Variants in ERC2 observed in about 807,000 individuals in gnomAD.
The protein encoded by ERC2 is ELKS/RAB6-interacting/CAST family member 2, also known as ERC protein 2.
ERC2 carries 42 observed loss-of-function variants against 114.8 expected under a neutral mutation model. The observed-to-expected ratio is 0.37, with a 90% CI of 0.29 to 0.47. ERC2 has a LOEUF of 0.47. ERC2 is among the 20% of genes least tolerant of loss of function. The pLI, the probability that ERC2 is intolerant of heterozygous loss-of-function variation, is 0.99. For missense variants in ERC2, 939 were observed against 1,150.7 expected, an observed-to-expected ratio of 0.82 and a Z score of 2.66; for synonymous variants, 454 against 425.5, an observed-to-expected ratio of 1.07 and a Z score of -0.82.
chr3:56,017,454 G>A (rs969524871), intron 8 of ERC2, among the ~76,000 whole-genome samples: 13 of 152,072 alleles, frequency 8.5e-5, no homozygotes, highest in African/African-American at 3.1e-4. Flanking sequence ...CCCTCAGGAT[G>A]GCATCCCATC....
At chr3:56,210,984 A>G (rs569961291) in intron 3 of ERC2, among the ~76,000 whole-genome samples, 1 of 152,316 alleles carries the variant, frequency 6.6e-6, no homozygotes, top group South Asian at 2.1e-4. Context: ...GTTGGTTCTT[A>G]GGGGATGAAA....
At chr3:56,213,982 T>A (rs551353383) in intron 3 of ERC2, among the ~76,000 whole-genome samples, 4 of 151,968 alleles carry the variant, frequency 2.6e-5, no homozygotes, top group Non-Finnish European at 4.4e-5. Flanking sequence ...AGAAAGGACA[T>A]CCACACCAAA....
At chr3:56,342,436 A>T (rs920670837) in intron 2 of ERC2, among the ~76,000 whole-genome samples, 1 of 152,258 alleles carries the variant, frequency 6.6e-6, no homozygotes, top group Non-Finnish European at 1.5e-5. Context: ...ATTACCATTC[A>T]TCAGACATTT....
chr3:55,974,972 G>A (rs1248500360), intron 12 of ERC2, among the ~76,000 whole-genome samples: 1 of 152,182 alleles, frequency 6.6e-6, no homozygotes, highest in Non-Finnish European at 1.5e-5. Context: ...AGGAGTGCTT[G>A]AGCCAAACCA....
At chr3:55,935,420 G>A (rs1017893181) in intron 13 of ERC2, among the ~76,000 whole-genome samples, 2 of 152,200 alleles carry the variant, frequency 1.3e-5, no homozygotes, top group Non-Finnish European at 2.9e-5. Context: ...AGTGTTCCCT[G>A]CATGGAGCCC....
chr3:56,025,704 C>T (rs903350753), intron 7 of ERC2, among the ~76,000 whole-genome samples: 2 of 152,138 alleles, frequency 1.3e-5, no homozygotes, highest in Non-Finnish European at 2.9e-5. Context: ...CCCTTTTGAT[C>T]AACTTAAGGT....
At chr3:55,783,077 G>A (rs756849418) in intron 14 of ERC2, among the ~76,000 whole-genome samples, 2 of 152,178 alleles carry the variant, frequency 1.3e-5, no homozygotes, top group Non-Finnish European at 2.9e-5. Context: ...AGTTGTCCCC[G>A]GAGGTGTGCA....
chr3:55,840,494 A>G (rs919690774), intron 14 of ERC2, among the ~76,000 whole-genome samples: 1 of 151,788 alleles, frequency 6.6e-6, no homozygotes, highest in African/African-American at 2.4e-5. Flanking sequence ...GTGTTGGTTA[A>G]GATTTGAAGA....
rs535767878 is a variant in ERC2, at chr3:56,022,755, A to G, written c.1642-3724T>C. ...GGGAAGGGTTTTTTTGAGAAATTTC[A>G]TATTGCAGAATTGGACACCACCTTA... On this transcript the variant is annotated intron_variant, in intron 7 of 17. Transcript: ENST00000288221. 7.2e-5 allele frequency among the ~76,000 whole-genome samples: 11 copies of G among 152,318 alleles called. No individual in the cohort carries two copies. In the South Asian group the frequency reaches 1.0e-3, roughly 14 times the overall value.
At chr3:56,127,722 C>T (rs1162204671) in intron 6 of ERC2, among the ~76,000 whole-genome samples, 1 of 110,596 alleles carries the variant, frequency 9.0e-6, no homozygotes, top group Non-Finnish European at 1.9e-5. Flanking sequence ...AACTCTGTCT[C>T]AAAAGAAAAA....
chr3:55,578,051 C>T (rs1015283984), intron 17 of ERC2, among the ~76,000 whole-genome samples: 1 of 152,164 alleles, frequency 6.6e-6, no homozygotes, highest in Non-Finnish European at 1.5e-5. Context: ...CTAAACAAGG[C>T]AGGATATGGC....
intron 2 of ERC2, among the ~76,000 whole-genome samples, chr3:56,386,492 T>C (rs929265905): frequency 6.6e-6 from 1 of 152,134 alleles, no homozygotes; most frequent in African/African-American, 2.4e-5. Flanking sequence ...CTTTTGAAAA[T>C]ATGGGCTCCA....
At chr3:56,423,657 C>A (rs1030023827) in intron 2 of ERC2, among the ~76,000 whole-genome samples, 1 of 152,340 alleles carries the variant, frequency 6.6e-6, no homozygotes, top group Middle Eastern at 3.4e-3. Context: ...CTACACGTTG[C>A]TTCCAAGGCA....
At chr3:55,662,054 G>T (rs6772255) in intron 17 of ERC2, among the ~76,000 whole-genome samples, 1,932 of 152,282 alleles carry the variant, frequency 0.013, 48 homozygotes, top group African/African-American at 0.044. Flanking sequence ...CAGCCAGCAG[G>T]GTCTGAACAG....
chr3:55,741,130 G>T (rs1290621587), intron 14 of ERC2, among the ~76,000 whole-genome samples: 1 of 152,054 alleles, frequency 6.6e-6, no homozygotes, highest in Non-Finnish European at 1.5e-5. Context: ...TTTGAGGATG[G>T]GTATACTGAA....
chr3:56,317,982 C>T (rs1444482748), intron 2 of ERC2, among the ~76,000 whole-genome samples: 1 of 152,178 alleles, frequency 6.6e-6, no homozygotes, highest in Non-Finnish European at 1.5e-5. Flanking sequence ...CACAAACATT[C>T]CTAAGGGTCT....
chr3:55,943,436 C>T (rs890400011), intron 13 of ERC2, among the ~76,000 whole-genome samples: 6 of 151,784 alleles, frequency 4.0e-5, no homozygotes, highest in Admixed American at 6.6e-5. Context: ...ATTCTGGTTC[C>T]GAGTCTTTTG....
At chr3:55,644,105 T>A (rs1421521980) in intron 17 of ERC2, among the ~76,000 whole-genome samples, 1 of 152,122 alleles carries the variant, frequency 6.6e-6, no homozygotes, top group Non-Finnish European at 1.5e-5. Context: ...GGCCGGCCAG[T>A]CCACCCAAGT....
chr3:55,588,856 T>C (rs2035158048), intron 17 of ERC2, among the ~76,000 whole-genome samples: 2 of 151,980 alleles, frequency 1.3e-5, no homozygotes, highest in Admixed American at 1.3e-4. Context: ...TCCTGCACAC[T>C]GGCTACACCA....
Sources: gnomAD v4.1 joint callset for allele counts (sites outside exome capture counted in the v4.1 genomes callset) on GRCh38, gnomAD v4.1.1 for gene constraint, MANE v1.5 for transcripts, NCBI Gene and HGNC (gene_info 2026-07-23, HGNC 2026-07-21) for gene names.